CPSF7: variants seen among roughly 807,000 people sequenced by gnomAD.
CPSF7 encodes cleavage and polyadenylation specific factor 7, also known as cleavage and polyadenylation specificity factor subunit 7.
Under a neutral mutation model 44.3 loss-of-function variants are expected in CPSF7, and 1 was observed. The observed-to-expected ratio is 0.02, with a 90% CI of 0.01 to 0.11. CPSF7 has a LOEUF of 0.11. CPSF7 is among the 10% of genes least tolerant of loss of function. The pLI, the probability that CPSF7 is intolerant of heterozygous loss-of-function variation, is 1.00. For missense variants in CPSF7, 443 were observed against 607.2 expected (o/e 0.73, Z 2.84); for synonymous variants, 202 against 222.0 (o/e 0.91, Z 0.80).
chr11:61,408,937 G>C (rs961531454), intron 9 of CPSF7, among the ~76,000 whole-genome samples: 3 of 152,170 alleles, frequency 2.0e-5, no homozygotes, highest in Non-Finnish European at 4.4e-5. Context: ...ACAGCACATT[G>C]GGAGGCTGAG....
At chr11:61,420,675 G>A in intron 3 of CPSF7, 102 bp from the exon 4 acceptor site, 1 of 853,562 alleles carries the variant, frequency 1.2e-6, no homozygotes, top group Non-Finnish European at 1.9e-6. Context: ...TCCCCCCAGA[G>A]GAAACTCAAA....
chr11:61,405,916 GCACT>G (rs1859274738), intron 9 of CPSF7: 1 of 152,130 alleles, frequency 6.6e-6, no homozygotes, highest in Non-Finnish European at 1.5e-5. Flanking sequence ...AGCCCTCAGT[GCACT>G]CAATTACATA....
In CPSF7 at chr11:61,411,065, G is replaced by C. The variant is rs761234493; in HGVS notation, c.1267C>G (p.Arg423Gly). Residue 423 changes from arginine (R) to glycine (G), a missense_variant, in exon 9 of 10, where the codon CGG becomes GGG. Transcript: ENST00000439958. ...RSRERSPSRS[R>G]ESSRRHRDLL... ...TCCCGGTGCCTCCTGCTGCTCTCCC[G>C]GGACCGGCTAGGTGACCTTTCCCGG... 14 of 1,612,682 alleles carry C rather than the reference G, an allele frequency of 8.7e-6. No individual in the cohort carries two copies. The highest frequency in any genetic ancestry group is 8.5e-6 in the Non-Finnish European group (10 of 1,179,682).
At chr11:61,418,919 A>C (rs1459852491) in intron 5 of CPSF7, among the ~76,000 whole-genome samples, 1 of 152,090 alleles carries the variant, frequency 6.6e-6, no homozygotes, top group Non-Finnish European at 1.5e-5. Context: ...GGGTTTTGCC[A>C]TGTTGCCCAG....
intron 1 of CPSF7, 107 bp downstream of exon 1, chr11:61,429,807 G>T: frequency 6.5e-7 from 1 of 1,547,336 alleles, no homozygotes; most frequent in South Asian, 1.2e-5. Context: ...GACTCCCTCC[G>T]CCCGCAGACT....
In CPSF7 at chr11:61,416,212, T is replaced by A. The variant is rs753527408; in HGVS notation, c.831A>T (p.Pro277=). 4.6e-6 allele frequency: 7 copies of A among 1,527,302 alleles called. No individual in the cohort carries two copies. The highest frequency in any genetic ancestry group is 5.3e-6 in the Non-Finnish European group (6 of 1,140,000). The allele number at this position is 1,527,302 out of a possible 1,614,324, so 94.6% of individuals were successfully genotyped here. Residue 277 remains proline (P), a synonymous_variant, in exon 6 of 10, where the codon CCA becomes CCT. Coordinates refer to ENST00000439958, the MANE Select transcript of CPSF7 (RefSeq NM_001142565.3). The part of the protein sequence containing the change: ...HLAVPPPGAI[P]PALHLNPAFF... Reference sequence around the variant, plus strand: ...AGGCTGGATTGAGGTGAAGGGCAGGTGGGATGGCCCCAGGGGGAGGTACAG... The same window carrying A: ...AGGCTGGATTGAGGTGAAGGGCAGGAGGGATGGCCCCAGGGGGAGGTACAG...
Position 61,429,273 on chromosome 11 carries a change from A to G in CPSF7, c.-38T>C, listed in dbSNP as rs555637938. 3 of 1,611,870 alleles carry G rather than the reference A, an allele frequency of 1.9e-6. No individual in the cohort carries two copies. The highest frequency in any genetic ancestry group is 1.3e-5 in the African/African-American group (1 of 75,020). On this transcript the variant is annotated 5_prime_UTR_variant, in exon 2 of 10. Transcript: ENST00000439958. ...AAGATCGCGAGTCCGGAGGATGGAC[A>G]AAGTAAGGAAGATGCCACTGCGGGA...
chr11:61,420,121 T>C (rs1860729866), intron 4 of CPSF7, 27 bp from the exon 5 acceptor site: 3 of 1,567,544 alleles, frequency 1.9e-6, no homozygotes, highest in Non-Finnish European at 2.6e-6. Context: ...TAAAAATGAA[T>C]GAAATCTGTA....
In CPSF7 at chr11:61,420,454, C is replaced by T; in HGVS notation, c.377+16G>A. The T allele has an allele frequency of 6.3e-7, 1 of 1,599,932 alleles. No homozygotes were observed. The highest frequency in any genetic ancestry group is 8.6e-7 in the Non-Finnish European group (1 of 1,167,436). ...TGGTTACAAATTAAAAGGGGCTTCT[C>T]AAATCCAGACCTCACCCTTTGGACT... is the stretch of plus-strand genomic sequence containing the variant. On this transcript the variant is annotated intron_variant, in intron 4 of 9. Transcript: ENST00000439958.
At chr11:61,404,805 A>G (rs554183006) in intron 9 of CPSF7, 101 bp from the exon 10 acceptor site, 1 of 152,348 alleles carries the variant, frequency 6.6e-6, no homozygotes, top group East Asian at 1.9e-4. Flanking sequence ...TAACGCTACA[A>G]CATAAGAAGT....
At position 61,429,960 on chromosome 11, in the gene CPSF7, G is replaced by T; in HGVS notation, c.-102C>A. On this transcript the variant is annotated 5_prime_UTR_variant, in exon 1 of 10. Coordinates refer to ENST00000439958, the MANE Select transcript of CPSF7 (RefSeq NM_001142565.3). ...GGCGAGTCCGGACTAGGCCCGAAGC[G>T]CGCGAACCGCTCTCCGCCCCAGGTC... The T allele has an allele frequency of 1.5e-6, 2 of 1,313,030 alleles. No individual in the cohort carries two copies. The highest frequency in any genetic ancestry group is 2.1e-6 in the Non-Finnish European group (2 of 974,718). The allele number at this position is 1,313,030 out of a possible 1,614,324, so 81.3% of individuals were successfully genotyped here.
chr11:61,410,134 G>A (rs1859720454), intron 9 of CPSF7, among the ~76,000 whole-genome samples: 1 of 151,464 alleles, frequency 6.6e-6, no homozygotes, highest in Non-Finnish European at 1.5e-5. Context: ...AGGTCTCACT[G>A]TCGCTCAGGC....
At position 61,429,225 on chromosome 11, in the gene CPSF7, C is replaced by T; in HGVS notation, c.11G>A (p.Gly4Glu). The T allele has an allele frequency of 6.2e-7, 1 of 1,613,500 alleles. No homozygotes were observed. The highest frequency in any genetic ancestry group is 1.3e-5 in the African/African-American group (1 of 75,052). Residue 4 changes from glycine (G) to glutamate (E), a missense_variant, in exon 2 of 10, where the codon GGA becomes GAA. Transcript: ENST00000439958. MSE[G>E]VDLIDIYADE... ...AGCATATATATCAATCAAGTCCACT[C>T]CTTCTGACATGGCTCCGGAAGGAAG...
chr11:61,409,072 T>G (rs1159195202), intron 9 of CPSF7, among the ~76,000 whole-genome samples: 2 of 151,156 alleles, frequency 1.3e-5, no homozygotes, highest in African/African-American at 4.9e-5. Flanking sequence ...CCCAGGAGGT[T>G]GATGTTACAG....
intron 7 of CPSF7, 53 bp downstream of exon 7, chr11:61,415,613 G>C: frequency 8.3e-7 from 1 of 1,199,112 alleles, no homozygotes; most frequent in South Asian, 1.2e-5. Context: ...GACAAAATCA[G>C]GAAAAAAAAG....
At chr11:61,415,082 AC>A (rs1296873154) in intron 7 of CPSF7, among the ~76,000 whole-genome samples, 8 of 152,244 alleles carry the variant, frequency 5.3e-5, no homozygotes, top group African/African-American at 1.7e-4. Context: ...ACAAAAAAAT[AC>A]AAAAATTAGC....
At chr11:61,423,169 CTTTTTT>C (rs35043745) in intron 2 of CPSF7, among the ~76,000 whole-genome samples, 21 of 60,802 alleles carry the variant, frequency 3.5e-4, no homozygotes, top group Middle Eastern at 0.017. Flanking sequence ...TCAGAGAAAT[CTTTTTT>C]TTTTTTTTTT....
chr11:61,426,098 CA>C (rs1199870670), intron 2 of CPSF7, among the ~76,000 whole-genome samples: 1 of 152,190 alleles, frequency 6.6e-6, no homozygotes, highest in East Asian at 1.9e-4. Context: ...CTGGCAAAAA[CA>C]GGCTTTTGCA....
At chr11:61,409,277 G>C (rs1200290194) in intron 9 of CPSF7, among the ~76,000 whole-genome samples, 1 of 151,626 alleles carries the variant, frequency 6.6e-6, no homozygotes, top group Non-Finnish European at 1.5e-5. Flanking sequence ...TTCAAGACCA[G>C]CCTGGCCGAG....
Sources: gnomAD v4.1 joint callset for allele counts (sites outside exome capture counted in the v4.1 genomes callset) on GRCh38, gnomAD v4.1.1 for gene constraint, MANE v1.5 for transcripts, NCBI Gene and HGNC (gene_info 2026-07-23, HGNC 2026-07-21) for gene names.